Variants in C1QTNF7 observed in about 807,000 individuals in gnomAD.
C1QTNF7 encodes the protein C1q and TNF related 7.
In C1QTNF7, 15 loss-of-function variants were observed where a neutral mutation model predicts 19.6. The observed-to-expected ratio is 0.76, with a 90% CI of 0.51 to 1.18. The LOEUF is 1.18. Ranked by LOEUF, C1QTNF7 falls within the 50% of genes most tolerant of loss-of-function variation. The pLI is 0.00. For missense variants in C1QTNF7, 324 were observed against 359.7 expected, an observed-to-expected ratio of 0.90 and a Z score of 0.80; for synonymous variants, 142 against 137.5, an observed-to-expected ratio of 1.03 and a Z score of -0.23.
At chr4:15,417,647 C>T (rs566734021) in intron 1 of C1QTNF7, among the ~76,000 whole-genome samples, 1 of 152,256 alleles carries the variant, frequency 6.6e-6, no homozygotes, top group East Asian at 1.9e-4. Context: ...ATTGCAGATA[C>T]TTGAGAGGCT....
At chr4:15,366,864 C>G (rs1458864837) in intron 1 of C1QTNF7, among the ~76,000 whole-genome samples, 5 of 152,028 alleles carry the variant, frequency 3.3e-5, no homozygotes, top group Non-Finnish European at 7.4e-5. Flanking sequence ...TGCGGGCTGG[C>G]TGAGACAGCA....
intron 2 of C1QTNF7, among the ~76,000 whole-genome samples, chr4:15,439,716 A>G (rs1044786636): frequency 6.6e-6 from 1 of 152,192 alleles, no homozygotes; most frequent in Non-Finnish European, 1.5e-5. Flanking sequence ...TCTGACTACA[A>G]AAGTGCACTA....
intron 1 of C1QTNF7, among the ~76,000 whole-genome samples, chr4:15,364,887 A>G (rs138931018): frequency 6.6e-6 from 1 of 152,194 alleles, no homozygotes; most frequent in African/African-American, 2.4e-5. Context: ...GGTCTCTCTG[A>G]ACAGAGAGTA....
At chr4:15,341,121 TC>T (rs1716521643) in intron 1 of C1QTNF7, among the ~76,000 whole-genome samples, 1 of 152,252 alleles carries the variant, frequency 6.6e-6, no homozygotes, top group African/African-American at 2.4e-5. Flanking sequence ...TGAGATTTTA[TC>T]ACAGCTCCAC....
At chr4:15,432,065 C>T (rs144830088) in intron 1 of C1QTNF7, among the ~76,000 whole-genome samples, 60 of 152,166 alleles carry the variant, frequency 3.9e-4, no homozygotes, top group African/African-American at 1.3e-3. Context: ...GGGATTTAGA[C>T]AATGCGAAGA....
upstream of C1QTNF7, among the ~76,000 whole-genome samples, chr4:15,424,227 G>A (rs556901261): frequency 5.9e-5 from 9 of 152,056 alleles, no homozygotes; most frequent in Non-Finnish European, 1.2e-4. Context: ...TACAATACTT[G>A]TCCATCTCCA....
intron 1 of C1QTNF7, among the ~76,000 whole-genome samples, chr4:15,358,928 C>G (rs1163468227): frequency 6.6e-6 from 1 of 152,112 alleles, no homozygotes; most frequent in African/African-American, 2.4e-5. Flanking sequence ...CAAGAAGTCC[C>G]AGGCATGGCA....
chr4:15,408,831 T>C (rs1719298911), intron 1 of C1QTNF7, among the ~76,000 whole-genome samples: 1 of 152,218 alleles, frequency 6.6e-6, no homozygotes, highest in Non-Finnish European at 1.5e-5. Flanking sequence ...TTTTATGAAC[T>C]GAATGTGTGT....
chr4:15,357,191 T>G (rs1577232329), intron 1 of C1QTNF7, among the ~76,000 whole-genome samples: 1 of 152,198 alleles, frequency 6.6e-6, no homozygotes, highest in Admixed American at 6.5e-5. Context: ...TCCTGAATGG[T>G]ATTGCCTAGG....
intron 1 of C1QTNF7, among the ~76,000 whole-genome samples, chr4:15,387,307 G>A (rs574896503): frequency 3.3e-5 from 5 of 152,284 alleles, no homozygotes; most frequent in African/African-American, 1.2e-4. Flanking sequence ...ATGTGGAGGT[G>A]TCTAGCAGGT....
chr4:15,363,691 C>T (rs1349677541), intron 1 of C1QTNF7, among the ~76,000 whole-genome samples: 1 of 152,084 alleles, frequency 6.6e-6, no homozygotes, highest in Non-Finnish European at 1.5e-5. Context: ...CTTCTGTTAA[C>T]AAGAAATAAT....
rs147396638 is a variant in C1QTNF7 at position 15,373,579 on chromosome 4, T to C, written c.13+33372T>C. 3.9e-5 allele frequency among the ~76,000 whole-genome samples: 6 copies of C among 152,306 alleles called. No homozygotes were observed. In the East Asian group the frequency reaches 1.2e-3, roughly 29 times the overall value. On this transcript the variant is annotated intron_variant, in intron 1 of 2. Transcript: ENST00000295297. ...TCACATACCCAGTGAGTCAACTGTG[T>C]TTTGGAACGTTTAAATGACTCCACA...
intron 1 of C1QTNF7, among the ~76,000 whole-genome samples, chr4:15,346,862 C>T (rs1166011462): frequency 6.6e-6 from 1 of 152,148 alleles, no homozygotes; most frequent in Non-Finnish European, 1.5e-5. Flanking sequence ...CTGTTCCTAC[C>T]ACTCTCCTCC....
At chr4:15,398,396 A>C (rs1577257297) in intron 1 of C1QTNF7, among the ~76,000 whole-genome samples, 1 of 151,968 alleles carries the variant, frequency 6.6e-6, no homozygotes, top group Admixed American at 6.6e-5. Flanking sequence ...TTGATGTCCA[A>C]GTCCCTTTAT....
intron 2 of C1QTNF7, among the ~76,000 whole-genome samples, chr4:15,439,413 C>T (rs907552328): frequency 1.9e-4 from 29 of 152,320 alleles, no homozygotes; most frequent in African/African-American, 6.5e-4. Context: ...TCTAGTCCAA[C>T]ACTTTCGTTT....
At position 15,442,627 on chromosome 4, in the gene C1QTNF7, G is replaced by T. The variant is rs1712822425; in HGVS notation, c.698G>T (p.Gly233Val). Residue 233 changes from glycine (G) to valine (V), a missense_variant, in exon 3 of 3, where the codon GGG becomes GTG. By Grantham distance (109) the Gly-to-Val change is moderately radical. Transcript: ENST00000444304. ...ANTGNHDVAS[G>V]STVIYLQPED... ...ACAGGAAACCATGATGTGGCTTCGG[G>T]GTCCACAGTCATCTATCTGCAGCCA... is the stretch of plus-strand genomic sequence containing the variant. 5 of 1,614,028 alleles carry T rather than the reference G, an allele frequency of 3.1e-6. No homozygotes were observed. Among genetic ancestry groups the T allele is most frequent in the Admixed American group, 1.7e-5 (1 of 60,004 alleles).
chr4:15,364,514 G>A (rs1717443480), intron 1 of C1QTNF7, among the ~76,000 whole-genome samples: 2 of 152,196 alleles, frequency 1.3e-5, no homozygotes. Flanking sequence ...GAAATTTATG[G>A]AAGAGAGATG....
At chr4:15,401,617 A>G (rs146512494) in intron 1 of C1QTNF7, among the ~76,000 whole-genome samples, 99 of 152,378 alleles carry the variant, frequency 6.5e-4, no homozygotes, top group African/African-American at 2.3e-3. Context: ...ATCCACCACC[A>G]GAGAACACAG....
At chr4:15,436,225 T>C (rs1296855264) in intron 2 of C1QTNF7, among the ~76,000 whole-genome samples, 1 of 152,152 alleles carries the variant, frequency 6.6e-6, no homozygotes. Flanking sequence ...ATGAGAAAAT[T>C]GAGCCACAGT....
Sources: allele counts gnomAD v4.1 joint callset (sites outside exome capture counted in the v4.1 genomes callset), GRCh38; gene constraint gnomAD v4.1.1; transcripts MANE v1.5; gene names NCBI Gene and HGNC (gene_info 2026-07-23, HGNC 2026-07-21).